Variants in PCDH15 observed in about 807,000 individuals in gnomAD.
PCDH15 encodes protocadherin-15.
Under a neutral mutation model 178.5 loss-of-function variants are expected in PCDH15, and 129 were observed. The ratio of observed to expected loss-of-function variants is 0.72; its 90% CI spans 0.63 to 0.84. The LOEUF (loss-of-function observed/expected upper bound fraction) is 0.84. Among genes scored for constraint, PCDH15 ranks in the 40% least tolerant of loss-of-function variants. The pLI is 0.00. For missense variants in PCDH15, 2,230 were observed against 2,099.9 expected (o/e 1.06, Z -1.21); for synonymous variants, 800 against 732.0 (o/e 1.09, Z -1.50).
intron 3 of PCDH15, among the ~76,000 whole-genome samples, chr10:54,875,121 A>T (rs1251644775): frequency 6.6e-6 from 1 of 152,258 alleles, no homozygotes; most frequent in South Asian, 2.1e-4. Flanking sequence ...GCACGTGCTC[A>T]TTTCATGTCA....
chr10:54,461,401 C>T (rs192073757), intron 3 of PCDH15, among the ~76,000 whole-genome samples: 10 of 152,156 alleles, frequency 6.6e-5, no homozygotes, highest in Non-Finnish European at 8.8e-5. Context: ...TTGTGGTTCT[C>T]GGTTCTTAGC....
At chr10:55,035,742 C>T (rs541759413) in intron 2 of PCDH15, among the ~76,000 whole-genome samples, 11 of 152,122 alleles carry the variant, frequency 7.2e-5, no homozygotes, top group South Asian at 2.1e-4. Flanking sequence ...TTTGGCTGAA[C>T]GGAAGGACAT....
At position 54,308,214 on chromosome 10, in the gene PCDH15, G is replaced by A. The variant is rs181442381; in HGVS notation, c.876+9057C>T. On this transcript the variant is annotated intron_variant, in intron 8 of 37. Coordinates refer to ENST00000644397, the MANE Select transcript of PCDH15 (RefSeq NM_001384140.1). ...GCCATCAGAGTTTCAGAATAAATGTGTAGGAAAACTTATAAACATCAGGGA... is the reference window on the plus strand; with the variant it reads ...GCCATCAGAGTTTCAGAATAAATGTATAGGAAAACTTATAAACATCAGGGA... Among the ~76,000 whole-genome samples the A allele has an allele frequency of 2.2e-3, 329 of 152,200 alleles. 1 individual carries two copies. The highest frequency in any genetic ancestry group is 5.6e-3 in the African/African-American group (231 of 41,552).
chr10:54,752,985 A>G (rs907385623), intron 1 of PCDH15, among the ~76,000 whole-genome samples: 4 of 152,206 alleles, frequency 2.6e-5, no homozygotes, highest in African/African-American at 9.6e-5. Flanking sequence ...TATATTGACA[A>G]TATAATTCTA....
chr10:53,965,348 G>A (rs940371174), intron 21 of PCDH15, among the ~76,000 whole-genome samples: 9 of 152,104 alleles, frequency 5.9e-5, no homozygotes, highest in African/African-American at 1.9e-4. Flanking sequence ...GTAAGCCACC[G>A]CGCCCAGCCC....
At chr10:54,307,400 A>G (rs1341360104) in intron 8 of PCDH15, among the ~76,000 whole-genome samples, 1 of 151,522 alleles carries the variant, frequency 6.6e-6, no homozygotes, top group Admixed American at 6.6e-5. Flanking sequence ...AAGAAGTCCT[A>G]TGTTTACCTA....
At chr10:55,361,177 T>A (rs1355739551) in intron 2 of PCDH15, among the ~76,000 whole-genome samples, 2 of 152,012 alleles carry the variant, frequency 1.3e-5, no homozygotes, top group African/African-American at 4.8e-5. Context: ...TAACAGTGGT[T>A]ATCCTTGGTG....
chr10:54,603,424 T>A (rs2092622967), intron 2 of PCDH15, among the ~76,000 whole-genome samples: 3 of 151,882 alleles, frequency 2.0e-5, no homozygotes, highest in Admixed American at 2.0e-4. Context: ...TGATAATATT[T>A]GGGTTAGTAT....
intron 2 of PCDH15, among the ~76,000 whole-genome samples, chr10:54,982,951 C>T (rs1275362285): frequency 1.3e-5 from 2 of 152,066 alleles, no homozygotes; most frequent in Non-Finnish European, 2.9e-5. Flanking sequence ...GAGACTCCAA[C>T]AGCTTGAGTA....
At chr10:54,751,311 G>C (rs904524448) in intron 1 of PCDH15, among the ~76,000 whole-genome samples, 1 of 152,004 alleles carries the variant, frequency 6.6e-6, no homozygotes, top group African/African-American at 2.4e-5. Context: ...TTGGTAGGAG[G>C]GCCAGGACTC....
At chr10:55,052,383 C>T (rs955880041) in intron 2 of PCDH15, among the ~76,000 whole-genome samples, 2 of 151,342 alleles carry the variant, frequency 1.3e-5, no homozygotes, top group African/African-American at 4.9e-5. Context: ...CCACCGTACC[C>T]GGCCAAGAAT....
At chr10:54,620,925 T>C (rs1329085689) in intron 2 of PCDH15, among the ~76,000 whole-genome samples, 2 of 151,982 alleles carry the variant, frequency 1.3e-5, no homozygotes, top group Non-Finnish European at 1.5e-5. Context: ...GATTTATTAC[T>C]ATTTTAATAA....
intron 2 of PCDH15, among the ~76,000 whole-genome samples, chr10:54,929,359 T>C (rs1039731933): frequency 6.6e-6 from 1 of 152,142 alleles, no homozygotes; most frequent in African/African-American, 2.4e-5. Flanking sequence ...GTCAGACAAA[T>C]CATGCTGCAG....
chr10:54,180,974 C>G (rs1245431622), intron 13 of PCDH15, among the ~76,000 whole-genome samples: 1 of 152,026 alleles, frequency 6.6e-6, no homozygotes, highest in Non-Finnish European at 1.5e-5. Flanking sequence ...GGAAATAAGC[C>G]TTTGATCCCC....
rs2456706 is a variant in PCDH15 at position 54,003,899 on chromosome 10, A to G, written c.2752-8134T>C. ...TGATGCAAAATTCCTCAACAAAATA[A>G]TAACAAAGAAATTCAACATCGTATT... On this transcript the variant is annotated intron_variant, in intron 20 of 37. Transcript: ENST00000644397. 3.3e-5 allele frequency among the ~76,000 whole-genome samples: 5 copies of G among 152,160 alleles called. No homozygotes were observed. The South Asian group carries it at 6.2e-4, about 19-fold the overall frequency.
chr10:54,214,882 C>G (rs150067985), intron 9 of PCDH15, among the ~76,000 whole-genome samples: 1 of 152,168 alleles, frequency 6.6e-6, no homozygotes, highest in African/African-American at 2.4e-5. Context: ...TGAGCCACCA[C>G]GCCTAGCCAA....
At chr10:54,773,735 A>G (rs1413905864) in intron 1 of PCDH15, among the ~76,000 whole-genome samples, 2 of 152,182 alleles carry the variant, frequency 1.3e-5, no homozygotes, top group Non-Finnish European at 2.9e-5. Flanking sequence ...GACTAGAAAC[A>G]CTATTTTAAA....
At chr10:54,117,401 C>G (rs1390132621) in intron 15 of PCDH15, among the ~76,000 whole-genome samples, 9 of 152,148 alleles carry the variant, frequency 5.9e-5, no homozygotes, top group Admixed American at 4.6e-4. Flanking sequence ...GAGGGTGTCA[C>G]AGCCCTGGTT....
rs1837561670 is a variant in PCDH15 at position 54,924,205 on chromosome 10, C to T, written c.-79-26705G>A. Among the ~76,000 whole-genome samples the T allele has an allele frequency of 1.5e-5, 2 of 137,086 alleles. 1 individual carries two copies. The allele number at this position is 137,086 out of a possible 152,430, so 89.9% of individuals were successfully genotyped here. ...TTCAAACAACCAGACCTCATGAGAA[C>T]TTACAATCACAAGAACAGCAGGGGG... is the stretch of plus-strand genomic sequence containing the variant. On this transcript the variant is annotated intron_variant, in intron 2 of 5. Transcript: ENST00000458638.
Sources: allele counts gnomAD v4.1 joint callset (sites outside exome capture counted in the v4.1 genomes callset), GRCh38; gene constraint gnomAD v4.1.1; transcripts MANE v1.5; gene names NCBI Gene and HGNC (gene_info 2026-07-23, HGNC 2026-07-21).